The following RPS6KA6 variants were observed in gnomAD, a reference collection of about 807,000 sequenced individuals.
The protein encoded by RPS6KA6 is ribosomal protein S6 kinase A6.
In RPS6KA6, 27 loss-of-function variants were observed where a neutral mutation model predicts 65.4. The ratio of observed to expected loss-of-function variants is 0.41; its 90% CI spans 0.30 to 0.57. The LOEUF (loss-of-function observed/expected upper bound fraction) is 0.57, where lower values mean the gene tolerates loss of function less well. Ranked by LOEUF, RPS6KA6 falls within the 20% of genes least tolerant of loss-of-function variation. The pLI is 0.24. For missense variants in RPS6KA6, 486 were observed against 555.6 expected (o/e 0.87, Z 1.26); for synonymous variants, 190 against 184.2 (o/e 1.03, Z -0.26).
chrX:84,141,195 G>A (rs2035096321), intron 6 of RPS6KA6, among the ~76,000 whole-genome samples: 1 of 110,876 alleles, frequency 9.0e-6, no homozygotes, highest in South Asian at 3.7e-4. Flanking sequence ...TACAAAATAA[G>A]GCACAGACAA....
intron 8 of RPS6KA6, among the ~76,000 whole-genome samples, chrX:84,123,994 T>C (rs1298406818): frequency 1.8e-5 from 2 of 110,948 alleles, no homozygotes; most frequent in African/African-American, 3.3e-5. Flanking sequence ...AGCACAGAGA[T>C]AGACTCCATT....
In RPS6KA6 at chrX:84,073,330, A is replaced by T. The variant is rs140016655; in HGVS notation, c.1972-8219T>A. ...AATAAAACTGGACATCTATATGCAG[A>T]AGAATAAAACTAGACCAACATCTCT... is the stretch of plus-strand genomic sequence containing the variant. On this transcript the variant is annotated intron_variant, in intron 20 of 21. Coordinates refer to ENST00000262752, the MANE Select transcript of RPS6KA6 (RefSeq NM_014496.5). 3.0e-3 allele frequency among the ~76,000 whole-genome samples: 334 copies of T among 111,973 alleles called. 3 individuals carry two copies. Among genetic ancestry groups the T allele is most frequent in the African/African-American group, 0.01 (322 of 30,845 alleles).
intron 20 of RPS6KA6, among the ~76,000 whole-genome samples, chrX:84,067,245 AG>A (rs975692356): frequency 2.7e-5 from 3 of 112,005 alleles, no homozygotes; most frequent in African/African-American, 6.5e-5. Flanking sequence ...ACTCCTCTCC[AG>A]CAAGGGCATA....
chrX:84,061,861 A>C lies in RPS6KA6; in HGVS notation c.*2416T>G, dbSNP rs962285014. ...CATTGATAGAAGTCCCATCAAAAAA[A>C]TGTTCAATCCAAATCTGCATTTTTG... On this transcript the variant is annotated 3_prime_UTR_variant, in exon 22 of 22. Coordinates refer to ENST00000262752, the MANE Select transcript of RPS6KA6 (RefSeq NM_014496.5). 4.5e-5 allele frequency: 5 copies of C among 111,725 alleles called. No individual in the cohort carries two copies. The highest frequency in any genetic ancestry group is 9.4e-5 in the Non-Finnish European group (5 of 53,043). 9.2% of individuals were successfully genotyped at this position (111,725 alleles called of 1,213,427 possible). A position where few individuals can be genotyped will look rare whatever the true frequency, so the allele number is the denominator to read the frequency against.
chrX:84,148,053 G>C lies in RPS6KA6; in HGVS notation c.329C>G (p.Ala110Gly). 1.7e-6 allele frequency: 2 copies of C among 1,151,061 alleles called. No homozygotes were observed. Among genetic ancestry groups the C allele is most frequent in the Non-Finnish European group, 2.3e-6 (2 of 857,765 alleles). The allele number at this position is 1,151,061 out of a possible 1,213,427, so 94.9% of individuals were successfully genotyped here. The change falls in exon 4 of 22, where the codon GCC becomes GGC. Residue 110 changes from alanine (A) to glycine (G), a missense_variant. Physicochemically the swap from Ala to Gly is moderately conservative, Grantham distance 60. Transcript: ENST00000262752. ...TTCTAATTTTCTACCTTTTAAAGAGGCTTTTTTTAACACCTTCATTGCATA... is the reference window on the plus strand; with the variant it reads ...TTCTAATTTTCTACCTTTTAAAGAGCCTTTTTTTAACACCTTCATTGCATA... ...QLYAMKVLKK[A>G]SLKVRDRVRT...
At chrX:84,158,601 T>C (rs150714491) in intron 2 of RPS6KA6, among the ~76,000 whole-genome samples, 3,302 of 111,257 alleles carry the variant, frequency 0.03, 51 homozygotes, top group Non-Finnish European at 0.046. Flanking sequence ...TCTTCCATAT[T>C]ATCCATTGTC....
intron 20 of RPS6KA6, among the ~76,000 whole-genome samples, chrX:84,075,009 TG>T (rs747697914): frequency 9.0e-6 from 1 of 111,301 alleles, no homozygotes; most frequent in East Asian, 2.8e-4. Flanking sequence ...CCAAGGCGGG[TG>T]GATCATGAGG....
chrX:84,083,506 T>C (rs1017168265), intron 20 of RPS6KA6, among the ~76,000 whole-genome samples: 1 of 112,198 alleles, frequency 8.9e-6, no homozygotes, highest in African/African-American at 3.2e-5. Context: ...CTGAGTTAGT[T>C]TGCTAAAAAT....
chrX:84,144,583 T>A (rs1312959699), intron 6 of RPS6KA6, among the ~76,000 whole-genome samples: 1 of 111,325 alleles, frequency 9.0e-6, no homozygotes, highest in Admixed American at 9.6e-5. Flanking sequence ...GGTGGGAATG[T>A]AAAATTTATA....
chrX:84,075,765 A>C (rs2033652754), intron 20 of RPS6KA6, among the ~76,000 whole-genome samples: 2 of 112,357 alleles, frequency 1.8e-5, no homozygotes, highest in South Asian at 7.4e-4. Flanking sequence ...GTCAACCAAT[A>C]ATTTTATATT....
chrX:84,167,288 A>G (rs1264702034), intron 1 of RPS6KA6, among the ~76,000 whole-genome samples: 1 of 112,194 alleles, frequency 8.9e-6, no homozygotes, highest in Non-Finnish European at 1.9e-5. Flanking sequence ...TCATTGTCAT[A>G]AATTGGAAAC....
chrX:84,121,227 C>T (rs918214298), intron 8 of RPS6KA6, among the ~76,000 whole-genome samples: 1 of 111,424 alleles, frequency 9.0e-6, no homozygotes, highest in African/African-American at 3.3e-5. Flanking sequence ...AAACATCTAC[C>T]AGCTAATTCA....
At chrX:84,187,744 T>G (rs1416438046) in intron 1 of RPS6KA6, 75 bp downstream of exon 1, 1 of 1,035,660 alleles carries the variant, frequency 9.7e-7, no homozygotes, top group African/African-American at 1.9e-5. Flanking sequence ...GCCTCTCCTC[T>G]CTCCGTCCCC....
At chrX:84,149,408 A>T (rs916797781) in intron 3 of RPS6KA6, among the ~76,000 whole-genome samples, 1 of 112,176 alleles carries the variant, frequency 8.9e-6, no homozygotes, top group African/African-American at 3.2e-5. Context: ...TGCTTTGCCC[A>T]GATTCATCAG....
At chrX:84,135,317 G>T (rs1314770658) in intron 6 of RPS6KA6, 107 bp from the exon 7 acceptor site, 2 of 483,105 alleles carry the variant, frequency 4.1e-6, no homozygotes, top group Non-Finnish European at 6.9e-6. Context: ...AAAATAATAA[G>T]ATAATAAGCA....
At chrX:84,094,138 G>A (rs2034102613) in intron 20 of RPS6KA6, among the ~76,000 whole-genome samples, 1 of 109,665 alleles carries the variant, frequency 9.1e-6, no homozygotes, top group African/African-American at 3.3e-5. Context: ...CCAACAAATT[G>A]CTTTAAACAC....
chrX:84,170,119 A>T (rs2035657540), intron 1 of RPS6KA6, among the ~76,000 whole-genome samples: 1 of 102,124 alleles, frequency 9.8e-6, no homozygotes, highest in Non-Finnish European at 2.0e-5. Context: ...GTGAGCCGAG[A>T]TTATGCCACA....
At chrX:84,144,042 G>A (rs1038072387) in intron 6 of RPS6KA6, among the ~76,000 whole-genome samples, 94 of 110,918 alleles carry the variant, frequency 8.5e-4, no homozygotes, top group African/African-American at 2.8e-3. Context: ...AACTCAAAAC[G>A]GATCCTAAAT....
At chrX:84,184,620 G>T (rs1203797098) in intron 1 of RPS6KA6, among the ~76,000 whole-genome samples, 1 of 110,055 alleles carries the variant, frequency 9.1e-6, no homozygotes, top group East Asian at 2.9e-4. Flanking sequence ...TTACTATAGG[G>T]TCTCATGAAA....
Sources: allele counts gnomAD v4.1 joint callset (sites outside exome capture counted in the v4.1 genomes callset), GRCh38; gene constraint gnomAD v4.1.1; transcripts MANE v1.5; gene names NCBI Gene and HGNC (gene_info 2026-07-23, HGNC 2026-07-21).